VAV3: variants seen among roughly 807,000 people sequenced by gnomAD.
The protein encoded by VAV3 is vav guanine nucleotide exchange factor 3.
A neutral mutation model predicts 131.2 loss-of-function variants in VAV3; 94 were observed. The observed-to-expected ratio is 0.72, with a 90% CI of 0.61 to 0.85. The LOEUF (loss-of-function observed/expected upper bound fraction) is 0.85, where lower values mean the gene tolerates loss of function less well. VAV3 is among the 40% of genes least tolerant of loss of function. VAV3 has a pLI of 0.00. For synonymous variants in VAV3, 349 were observed against 342.0 expected, an observed-to-expected ratio of 1.02 and a Z score of -0.22; for missense variants, 939 against 1,002.7, an observed-to-expected ratio of 0.94 and a Z score of 0.86.
intron 17 of VAV3, among the ~76,000 whole-genome samples, chr1:107,690,964 T>C (rs1238536229): frequency 6.6e-6 from 1 of 152,162 alleles, no homozygotes; most frequent in Non-Finnish European, 1.5e-5. Flanking sequence ...TATTTAATCA[T>C]GTTTCATGGT....
intron 22 of VAV3, among the ~76,000 whole-genome samples, chr1:107,606,958 C>CTT (rs11392912): frequency 8.8e-4 from 127 of 144,494 alleles, no homozygotes; most frequent in East Asian, 1.8e-3. Flanking sequence ...GGAGTCTGAT[C>CTT]TTTTTTTTTT....
chr1:107,929,287 C>CA (rs372843076), intron 1 of VAV3, among the ~76,000 whole-genome samples: 36,857 of 92,322 alleles, frequency 0.4, 6,602 homozygotes, highest in East Asian at 0.46. Context: ...CACTCTGTCT[C>CA]AAAAAAAAAA....
At chr1:107,639,936 TA>T (rs35664876) in intron 20 of VAV3, among the ~76,000 whole-genome samples, 38,409 of 138,896 alleles carry the variant, frequency 0.28, 4,967 homozygotes, top group Middle Eastern at 0.32. Context: ...ACCCTGTATT[TA>T]AAAAAAAAAA....
intron 1 of VAV3, among the ~76,000 whole-genome samples, chr1:107,897,463 G>C (rs1014628042): frequency 6.6e-5 from 10 of 151,948 alleles, no homozygotes; most frequent in Non-Finnish European, 1.5e-4. Context: ...CCAGGACCCA[G>C]AAAGGGCATA....
intron 19 of VAV3, among the ~76,000 whole-genome samples, chr1:107,679,578 T>C (rs1329621186): frequency 6.6e-6 from 1 of 152,132 alleles, no homozygotes; most frequent in African/African-American, 2.4e-5. Context: ...ATGGACCCAG[T>C]GAAAAGAATA....
intron 13 of VAV3, 95 bp downstream of exon 13, chr1:107,751,022 T>TC (rs1663688377): frequency 1.7e-6 from 2 of 1,189,824 alleles, no homozygotes; most frequent in African/African-American, 1.6e-5. Flanking sequence ...CTTCCTTTTT[T>TC]CCCCCTACTT....
At position 107,868,171 on chromosome 1, in the gene VAV3, A is replaced by C. The variant is rs565423153; in HGVS notation, c.321+6730T>G. Among the ~76,000 whole-genome samples, 34 of 152,334 alleles carry C rather than the reference A, an allele frequency of 2.2e-4. 3 individuals carry two copies. The South Asian group carries it at 7.0e-3, about 32-fold the overall frequency. ...AGCAAGGCTGATTTAAGTCCCATGG[A>C]TGACATAAAGCCCAAAGATTTCTGG... On this transcript the variant is annotated intron_variant, in intron 2 of 26. Transcript: ENST00000370056.
chr1:107,925,467 G>A (rs1360451102), intron 1 of VAV3, among the ~76,000 whole-genome samples: 1 of 152,164 alleles, frequency 6.6e-6, no homozygotes, highest in Non-Finnish European at 1.5e-5. Flanking sequence ...AAAATATGGT[G>A]TATACATACA....
chr1:107,921,316 C>T (rs760419371), intron 1 of VAV3, among the ~76,000 whole-genome samples: 1 of 152,200 alleles, frequency 6.6e-6, no homozygotes, highest in Admixed American at 6.5e-5. Context: ...AACTGCATCA[C>T]ATACTTTAGT....
chr1:107,884,873 C>T (rs1020200284), intron 1 of VAV3, among the ~76,000 whole-genome samples: 2 of 152,008 alleles, frequency 1.3e-5, no homozygotes, highest in Non-Finnish European at 2.9e-5. Context: ...TCTTTCTGCA[C>T]ACATGATAAA....
intron 1 of VAV3, among the ~76,000 whole-genome samples, chr1:107,876,010 A>G (rs1670478653): frequency 6.6e-6 from 1 of 152,172 alleles, no homozygotes; most frequent in Non-Finnish European, 1.5e-5. Flanking sequence ...GAATAGAGCA[A>G]AGAAGAGGAG....
At position 107,751,216 on chromosome 1, in the gene VAV3, T is replaced by G. The variant is rs879191449; in HGVS notation, c.1174-14A>C. The G allele has an allele frequency of 1.1e-5, 18 of 1,597,032 alleles. No individual in the cohort carries two copies. The highest frequency in any genetic ancestry group is 1.5e-5 in the Non-Finnish European group (18 of 1,171,894). On this transcript the variant is annotated splice_polypyrimidine_tract_variant and intron_variant, in intron 12 of 26. Transcript: ENST00000370056. ...AACTGGTTGGTTCTAAAATATAAAA[T>G]GCACATGTCAGAGTTTTTCATAATC...
intron 2 of VAV3, among the ~76,000 whole-genome samples, chr1:107,842,453 A>G (rs1344636896): frequency 6.6e-6 from 1 of 152,190 alleles, no homozygotes; most frequent in East Asian, 1.9e-4. Context: ...TAAACAGTGT[A>G]TAGTTGGGCC....
Position 107,896,908 on chromosome 1 carries a change from T to A in VAV3, c.205-21891A>T, listed in dbSNP as rs561861206. Among the ~76,000 whole-genome samples, 7 of 152,132 alleles carry A rather than the reference T, an allele frequency of 4.6e-5. No homozygotes were observed. The East Asian group carries it at 5.8e-4, about 13-fold the overall frequency. Reference sequence around the variant, plus strand: ...TTGACTCCAATCATTGATCAGATCTTCAAAAAAAGCCCCTCTCCAGAAATA... The same window carrying A: ...TTGACTCCAATCATTGATCAGATCTACAAAAAAAGCCCCTCTCCAGAAATA... On this transcript the variant is annotated intron_variant, in intron 1 of 26. Coordinates refer to ENST00000370056, the MANE Select transcript of VAV3 (RefSeq NM_006113.5).
intron 15 of VAV3, among the ~76,000 whole-genome samples, chr1:107,720,656 C>A (rs1402430001): frequency 2.6e-5 from 4 of 152,084 alleles, no homozygotes; most frequent in Non-Finnish European, 5.9e-5. Context: ...CCAGCCTGCA[C>A]AACAAGAGCA....
intron 2 of VAV3, among the ~76,000 whole-genome samples, chr1:107,829,683 C>A (rs1303034014): frequency 3.3e-5 from 5 of 151,978 alleles, no homozygotes; most frequent in Non-Finnish European, 4.4e-5. Flanking sequence ...CCTAAGACAT[C>A]CACCTAGAAA....
rs1428218299 is a variant in VAV3, at chr1:107,891,864, AG to A, written c.205-16848del. 1.4e-4 allele frequency among the ~76,000 whole-genome samples: 20 copies of A among 145,870 alleles called. No individual in the cohort carries two copies. In the East Asian group the frequency reaches 3.0e-3, roughly 22 times the overall value. On this transcript the variant is annotated intron_variant, in intron 1 of 26. Transcript: ENST00000370056. ...AAAAAAAAAAAAAAAAAAAAAAAAA[AG>A]AGCTCAGGGGTCAGACCAGGCTGCT... is the stretch of plus-strand genomic sequence containing the variant.
intron 15 of VAV3, among the ~76,000 whole-genome samples, chr1:107,713,209 T>C (rs570925010): frequency 3.3e-5 from 5 of 152,230 alleles, no homozygotes; most frequent in African/African-American, 1.2e-4. Flanking sequence ...AAAATTTAGA[T>C]AGGAACCTGA....
At chr1:107,718,807 T>G (rs1424048767) in intron 15 of VAV3, among the ~76,000 whole-genome samples, 1 of 152,114 alleles carries the variant, frequency 6.6e-6, no homozygotes, top group African/African-American at 2.4e-5. Context: ...CTTCAAACTA[T>G]ACTACAAGAC....
Sources: gnomAD v4.1 joint callset for allele counts (sites outside exome capture counted in the v4.1 genomes callset) on GRCh38, gnomAD v4.1.1 for gene constraint, MANE v1.5 for transcripts, NCBI Gene and HGNC (gene_info 2026-07-23, HGNC 2026-07-21) for gene names.